The following RGS7 variants were observed in gnomAD, a reference collection of about 807,000 sequenced individuals.
RGS7 encodes regulator of G-protein signaling 7.
Under a neutral mutation model 81.1 loss-of-function variants are expected in RGS7, and 27 were observed. The ratio of observed to expected loss-of-function variants is 0.33; its 90% CI spans 0.25 to 0.46. The LOEUF (loss-of-function observed/expected upper bound fraction) is 0.46, where lower values mean the gene tolerates loss of function less well. Among genes scored for constraint, RGS7 ranks in the 20% least tolerant of loss-of-function variants. The pLI, the probability that RGS7 is intolerant of heterozygous loss-of-function variation, is 1.00. For synonymous variants in RGS7, 208 were observed against 207.7 expected (o/e 1.00, Z -0.01); for missense variants, 396 against 607.4 (o/e 0.65, Z 3.66).
At chr1:241,226,981 G>A (rs765654526) in intron 2 of RGS7, among the ~76,000 whole-genome samples, 3 of 152,116 alleles carry the variant, frequency 2.0e-5, no homozygotes, top group Non-Finnish European at 1.5e-5. Flanking sequence ...ACCTTAAAAT[G>A]TATAAAAATA....
intron 1 of RGS7, 49 bp downstream of exon 1, chr1:241,356,850 G>C (rs1420470641): frequency 6.6e-6 from 1 of 151,218 alleles, no homozygotes; most frequent in Non-Finnish European, 1.5e-5. Flanking sequence ...CGGGGGCCGG[G>C]AGGGCTCTGG....
intron 3 of RGS7, among the ~76,000 whole-genome samples, chr1:240,986,382 C>A (rs903942787): frequency 2.6e-5 from 4 of 152,132 alleles, no homozygotes; most frequent in Non-Finnish European, 5.9e-5. Context: ...TGAATCCCAA[C>A]TGAGGCCATA....
chr1:240,869,749 G>C (rs1664137784), intron 7 of RGS7, among the ~76,000 whole-genome samples: 1 of 152,204 alleles, frequency 6.6e-6, no homozygotes, highest in South Asian at 2.1e-4. Context: ...AGACCAGCCT[G>C]GCCAACATGA....
At chr1:240,793,439 A>T (rs2103018861) in intron 18 of RGS7, among the ~76,000 whole-genome samples, 1 of 151,894 alleles carries the variant, frequency 6.6e-6, no homozygotes, top group East Asian at 1.9e-4. Context: ...AAAATGACAA[A>T]TGAGATGGTT....
intron 9 of RGS7, among the ~76,000 whole-genome samples, chr1:240,855,308 CAAAAAAAAAAA>C (rs758331434): frequency 6.7e-5 from 1 of 14,922 alleles, no homozygotes; most frequent in South Asian, 2.5e-3. Flanking sequence ...GACCATGTCT[CAAAAAAAAAAA>C]AAAAAAAAGG....
intron 2 of RGS7, among the ~76,000 whole-genome samples, chr1:241,236,227 G>A (rs2075969270): frequency 6.7e-6 from 1 of 149,906 alleles, no homozygotes; most frequent in African/African-American, 2.5e-5. Flanking sequence ...AGGAAGATGA[G>A]TACATACATG....
At chr1:240,862,557 GT>G (rs917733860) in intron 9 of RGS7, among the ~76,000 whole-genome samples, 2 of 151,182 alleles carry the variant, frequency 1.3e-5, no homozygotes, top group African/African-American at 2.4e-5. Flanking sequence ...GTGTTACCTG[GT>G]TTTTTTTTAT....
chr1:240,953,071 TA>T (rs1679825876), intron 4 of RGS7, among the ~76,000 whole-genome samples: 1 of 151,916 alleles, frequency 6.6e-6, no homozygotes, highest in African/African-American at 2.4e-5. Flanking sequence ...TTAAAATACA[TA>T]AGGCAAAACT....
intron 14 of RGS7, among the ~76,000 whole-genome samples, chr1:240,809,441 T>C (rs1689461219): frequency 6.6e-6 from 1 of 152,148 alleles, no homozygotes; most frequent in Non-Finnish European, 1.5e-5. Flanking sequence ...ACTGGACCAT[T>C]TTGTCTCCTT....
intron 2 of RGS7, among the ~76,000 whole-genome samples, chr1:241,135,198 G>T (rs550707338): frequency 6.6e-6 from 1 of 152,110 alleles, no homozygotes; most frequent in African/African-American, 2.4e-5. Flanking sequence ...AAGCCAAGAC[G>T]GGCAGATCAC....
intron 18 of RGS7, among the ~76,000 whole-genome samples, chr1:240,792,974 G>C (rs1351782621): frequency 6.6e-6 from 1 of 152,080 alleles, no homozygotes; most frequent in Non-Finnish European, 1.5e-5. Context: ...TTATCATACA[G>C]AGCCCCCAGG....
At chr1:241,340,479 A>C (rs1287702341) in intron 2 of RGS7, among the ~76,000 whole-genome samples, 1 of 152,212 alleles carries the variant, frequency 6.6e-6, no homozygotes, top group Non-Finnish European at 1.5e-5. Flanking sequence ...TAAAGAATTT[A>C]TAAGATTCTT....
intron 3 of RGS7, among the ~76,000 whole-genome samples, chr1:241,095,779 G>A (rs928402104): frequency 2.6e-5 from 4 of 152,154 alleles, no homozygotes; most frequent in African/African-American, 9.7e-5. Context: ...TTTCTGTCAG[G>A]ACGGCTCAAT....
chr1:241,120,887 T>C (rs938458606), intron 2 of RGS7, among the ~76,000 whole-genome samples: 1 of 151,946 alleles, frequency 6.6e-6, no homozygotes, highest in Non-Finnish European at 1.5e-5. Flanking sequence ...GGTGCACGAG[T>C]GAGGTGCATT....
At chr1:240,866,306 T>C (rs1239223514) in intron 9 of RGS7, among the ~76,000 whole-genome samples, 4 of 151,870 alleles carry the variant, frequency 2.6e-5, no homozygotes, top group African/African-American at 9.7e-5. Flanking sequence ...GGTCAGGAGA[T>C]CGAGATCATC....
rs1236414852 is a variant in RGS7 at position 240,933,029 on chromosome 1, G to A, written c.334-2261C>T. 1.7e-4 allele frequency among the ~76,000 whole-genome samples: 26 copies of A among 148,632 alleles called. 1 individual carries two copies. The highest frequency in any genetic ancestry group is 2.5e-4 in the Non-Finnish European group (17 of 66,992). ...CTCCCGAGTAGCTGGGACTACAGGCGCCCGCACCACGCCCGGCTAATTTTT... is the reference window on the plus strand; with the variant it reads ...CTCCCGAGTAGCTGGGACTACAGGCACCCGCACCACGCCCGGCTAATTTTT... On this transcript the variant is annotated intron_variant, in intron 5 of 18. Coordinates refer to ENST00000440928, the MANE Select transcript of RGS7 (RefSeq NM_001364886.1).
intron 18 of RGS7, among the ~76,000 whole-genome samples, chr1:240,794,158 T>A (rs2103023233): frequency 6.6e-6 from 1 of 152,162 alleles, no homozygotes; most frequent in South Asian, 2.1e-4. Flanking sequence ...CAGTTGAGGA[T>A]CTGACTCACT....
chr1:240,874,606 T>G (rs889799758), intron 6 of RGS7, among the ~76,000 whole-genome samples: 33 of 152,342 alleles, frequency 2.2e-4, no homozygotes, highest in African/African-American at 7.9e-4. Context: ...ATATTTTAGT[T>G]GATAAATGAG....
intron 9 of RGS7, among the ~76,000 whole-genome samples, chr1:240,838,673 G>A (rs1372719093): frequency 6.6e-6 from 1 of 152,074 alleles, no homozygotes; most frequent in Non-Finnish European, 1.5e-5. Context: ...TAATTCCCAT[G>A]CATCCTCGCA....
Sources: allele counts gnomAD v4.1 joint callset (sites outside exome capture counted in the v4.1 genomes callset), GRCh38; gene constraint gnomAD v4.1.1; transcripts MANE v1.5; gene names NCBI Gene and HGNC (gene_info 2026-07-23, HGNC 2026-07-21).